Variants in IL15 observed in about 807,000 individuals in gnomAD.
The protein encoded by IL15 is interleukin-15.
A neutral mutation model predicts 19.6 loss-of-function variants in IL15; 11 were observed. That is an observed-to-expected ratio of 0.56 (90% CI 0.35 to 0.93). The LOEUF is 0.93. IL15 is among the 40% of genes least tolerant of loss of function. The pLI is 0.01. For synonymous variants in IL15, 58 were observed against 59.6 expected (o/e 0.97, Z 0.12); for missense variants, 197 against 186.5 (o/e 1.06, Z -0.33).
chr4:141,668,158 T>G (rs1728053426), intron 2 of IL15, among the ~76,000 whole-genome samples: 1 of 152,208 alleles, frequency 6.6e-6, no homozygotes, highest in Admixed American at 6.5e-5. Context: ...GATTTTGAGA[T>G]AGAGATAATA....
intron 2 of IL15, among the ~76,000 whole-genome samples, chr4:141,699,528 A>G (rs917967606): frequency 2.6e-5 from 4 of 152,104 alleles, no homozygotes; most frequent in African/African-American, 9.7e-5. Context: ...GGTGCATATA[A>G]ATTTAGGATT....
At position 141,733,545 on chromosome 4, in the gene IL15, A is replaced by G. The variant is rs1730524464; in HGVS notation, c.*697A>G. 6.6e-6 allele frequency: 1 copy of G among 152,222 alleles called. No homozygotes were observed. Among genetic ancestry groups the G allele is most frequent in the Admixed American group, 6.5e-5 (1 of 15,286 alleles). 9.4% of individuals were successfully genotyped at this position (152,222 alleles called of 1,614,324 possible). ...GAATGGTGTGCAAGCTTGTCCAATC[A>G]CGGATTGCAGGCCACATGCGGCCCA... On this transcript the variant is annotated 3_prime_UTR_variant, in exon 8 of 8. Coordinates refer to ENST00000320650, the MANE Select transcript of IL15 (RefSeq NM_000585.5).
Position 141,707,276 on chromosome 4 carries a change from A to T in IL15, c.-99-12090A>T, listed in dbSNP as rs533890981. 1.6e-3 allele frequency among the ~76,000 whole-genome samples: 240 copies of T among 152,118 alleles called. 1 individual carries two copies. The highest frequency in any genetic ancestry group is 3.3e-3 in the Admixed American group (50 of 15,280). ...TTCTGTTTGGTTCTTTTAAAATTAT[A>T]TTTATATATTATGCATTTCTCATTC... is the stretch of plus-strand genomic sequence containing the variant. On this transcript the variant is annotated intron_variant, in intron 2 of 7. Coordinates refer to ENST00000320650, the MANE Select transcript of IL15 (RefSeq NM_000585.5).
At chr4:141,656,007 A>G (rs1017425123) in intron 1 of IL15, among the ~76,000 whole-genome samples, 179 bp from the exon 2 acceptor site, 2 of 152,234 alleles carry the variant, frequency 1.3e-5, no homozygotes, top group Non-Finnish European at 2.9e-5. Context: ...GGGAACTCTG[A>G]GGATTGTAGA....
chr4:141,684,456 T>C (rs1728641366), intron 2 of IL15, among the ~76,000 whole-genome samples: 1 of 152,208 alleles, frequency 6.6e-6, no homozygotes, highest in Admixed American at 6.5e-5. Context: ...TGTCTAAGAA[T>C]CTAAAGTGAT....
intron 2 of IL15, among the ~76,000 whole-genome samples, chr4:141,677,710 C>T (rs1728393651): frequency 6.6e-6 from 1 of 152,152 alleles, no homozygotes; most frequent in Non-Finnish European, 1.5e-5. Flanking sequence ...TGATTTGAGT[C>T]TTTCTGGCTT....
chr4:141,711,701 A>G (rs1441386072), intron 2 of IL15, among the ~76,000 whole-genome samples: 1 of 152,152 alleles, frequency 6.6e-6, no homozygotes, highest in Admixed American at 6.5e-5. Context: ...CTAATTCTGC[A>G]TACTTATATC....
rs563897350 is a variant in IL15, at chr4:141,675,052, T to G, written c.-100+18745T>G. ...GGTTGTTGGCAGAATTAAATTCCAC[T>G]TGAACCTCGAACAACATGGGTTTCA... On this transcript the variant is annotated intron_variant, in intron 2 of 7. Coordinates refer to ENST00000320650, the MANE Select transcript of IL15 (RefSeq NM_000585.5). Among the ~76,000 whole-genome samples, 60 of 152,246 alleles carry G rather than the reference T, an allele frequency of 3.9e-4. 1 individual carries two copies. Among genetic ancestry groups the G allele is most frequent in the African/African-American group, 1.4e-3 (59 of 41,538 alleles).
intron 2 of IL15, among the ~76,000 whole-genome samples, chr4:141,693,080 G>A (rs1486110535): frequency 6.9e-6 from 1 of 144,612 alleles, no homozygotes; most frequent in African/African-American, 2.6e-5. Context: ...AAATCAAAGA[G>A]GTTTAACTGA....
intron 2 of IL15, among the ~76,000 whole-genome samples, chr4:141,707,340 C>G (rs907197677): frequency 3.3e-5 from 5 of 152,030 alleles, no homozygotes; most frequent in Non-Finnish European, 2.9e-5. Context: ...TTGTATCTCA[C>G]TGAGCTTTTT....
chr4:141,723,341 C>T (rs1359181235), intron 5 of IL15, among the ~76,000 whole-genome samples: 1 of 152,030 alleles, frequency 6.6e-6, no homozygotes, highest in Non-Finnish European at 1.5e-5. Context: ...AATCCAATGA[C>T]AAGTGTCTTT....
At chr4:141,649,511 A>G (rs533512113) in intron 1 of IL15, among the ~76,000 whole-genome samples, 5 of 152,212 alleles carry the variant, frequency 3.3e-5, no homozygotes, top group African/African-American at 1.2e-4. Context: ...TTGCTGGTGC[A>G]ATTAATAAGA....
At chr4:141,719,328 G>T in intron 2 of IL15, 38 bp from the exon 3 acceptor site, 1 of 567,656 alleles carries the variant, frequency 1.8e-6, no homozygotes, top group Non-Finnish European at 3.2e-6. Context: ...TTTCTTACTA[G>T]TGCACTTGTG....
At chr4:141,718,276 T>C (rs1046302917) in intron 2 of IL15, 2 of 152,112 alleles carry the variant, frequency 1.3e-5, no homozygotes, top group Non-Finnish European at 2.9e-5. Flanking sequence ...GTCAATATTT[T>C]TTTTTTTTGA....
intron 1 of IL15, among the ~76,000 whole-genome samples, chr4:141,654,636 C>T (rs903002006): frequency 6.6e-6 from 1 of 152,112 alleles, no homozygotes; most frequent in African/African-American, 2.4e-5. Context: ...ACATACTTGG[C>T]CATATAGAGG....
intron 2 of IL15, chr4:141,717,386 G>A (rs1331644532): frequency 6.6e-6 from 1 of 152,172 alleles, no homozygotes; most frequent in Non-Finnish European, 1.5e-5. Flanking sequence ...ATGGATTAAT[G>A]CAGTTATGGA....
At chr4:141,690,749 C>G (rs181174066) in intron 2 of IL15, among the ~76,000 whole-genome samples, 174 of 152,296 alleles carry the variant, frequency 1.1e-3, no homozygotes, top group Non-Finnish European at 1.5e-3. Context: ...CTTCTCCTGT[C>G]AAGAAAGACT....
intron 2 of IL15, chr4:141,718,551 C>T (rs557716435): frequency 6.6e-6 from 1 of 152,080 alleles, no homozygotes; most frequent in African/African-American, 2.4e-5. Flanking sequence ...TTGGATACAC[C>T]TTTGTATCTT....
At chr4:141,701,612 A>C (rs978011012) in intron 2 of IL15, among the ~76,000 whole-genome samples, 3 of 152,188 alleles carry the variant, frequency 2.0e-5, no homozygotes, top group African/African-American at 7.2e-5. Context: ...GTCCAATAGG[A>C]GAGGTAGCCC....
Sources: gnomAD v4.1 joint callset for allele counts (sites outside exome capture counted in the v4.1 genomes callset) on GRCh38, gnomAD v4.1.1 for gene constraint, MANE v1.5 for transcripts, NCBI Gene and HGNC (gene_info 2026-07-23, HGNC 2026-07-21) for gene names.